Variants in ZNF155 observed in about 807,000 individuals in gnomAD.
ZNF155 encodes the protein KRAB A domain.
A neutral mutation model predicts 11.9 loss-of-function variants in ZNF155; 15 were observed. The observed-to-expected ratio is 1.26, with a 90% CI of 0.84 to 1.94. ZNF155 has a LOEUF of 1.94. Among genes scored for constraint, ZNF155 ranks in the 30% most tolerant of loss-of-function variants. The pLI, the probability that ZNF155 is intolerant of heterozygous loss-of-function variation, is 0.00. For missense variants in ZNF155, 602 were observed against 639.1 expected (o/e 0.94, Z 0.63); for synonymous variants, 212 against 219.9 (o/e 0.96, Z 0.32).
At chr19:43,987,854 G>A (rs772429729) in intron 1 of ZNF155, among the ~76,000 whole-genome samples, 3 of 152,042 alleles carry the variant, frequency 2.0e-5, no homozygotes, top group African/African-American at 7.3e-5. Context: ...TATTTTTTAC[G>A]TATCATAGCA....
chr19:43,990,874 G>A (rs113113632), intron 2 of ZNF155, among the ~76,000 whole-genome samples: 1 of 152,142 alleles, frequency 6.6e-6, no homozygotes, highest in African/African-American at 2.4e-5. Flanking sequence ...AAACGTCCTG[G>A]GGTGGGTAGA....
At chr19:43,995,619 A>G (rs1975823236) in intron 4 of ZNF155, among the ~76,000 whole-genome samples, 7 of 152,120 alleles carry the variant, frequency 4.6e-5, no homozygotes, top group Admixed American at 1.3e-4. Flanking sequence ...GCTGGACTCC[A>G]GTGATCAATC....
chr19:43,991,604 G>T lies in ZNF155; in HGVS notation c.72G>T (p.Leu24=). The T allele has an allele frequency of 6.2e-7, 1 of 1,614,166 alleles. No homozygotes were observed. ...TCTTCACTGAGGAGGAGCTGGGGCT[G>T]CTGGACCCTGCCCAGAGGAAGCTGT... ...AVVFTEEELG[L]LDPAQRKLYR... The change falls in exon 3 of 5, where the codon CTG becomes CTT. Residue 24 remains leucine (L), a synonymous_variant. Transcript: ENST00000270014.
chr19:43,990,004 T>G lies in ZNF155; in HGVS notation c.15+1446T>G. ...AATCAAATAAGTGAGAATAATAGAA[T>G]GATTTGTTCCCCAAATCAGATTACC... On this transcript the variant is annotated intron_variant, in intron 2 of 4. Transcript: ENST00000270014. The G allele has an allele frequency of 2.1e-6, 3 of 1,413,956 alleles. No individual in the cohort carries two copies. In the South Asian group the frequency reaches 4.3e-5, roughly 20 times the overall value. 87.6% of individuals were successfully genotyped at this position (1,413,956 alleles called of 1,614,324 possible).
intron 1 of ZNF155, among the ~76,000 whole-genome samples, chr19:43,987,968 C>T (rs146389749): frequency 7.0e-4 from 106 of 152,264 alleles, no homozygotes; most frequent in African/African-American, 2.4e-3. Context: ...CCTAACTGGA[C>T]TTCTTGTGCC....
rs1163917067 is a variant in ZNF155, at chr19:43,996,146, G to A, written c.289G>A (p.Glu97Lys). 2 of 1,613,724 alleles carry A rather than the reference G, an allele frequency of 1.2e-6. No homozygotes were observed. The highest frequency in any genetic ancestry group is 1.7e-5 in the Admixed American group (1 of 60,022). ...TGTTCCAGAAGCAGGAGCACATGAAGAGTGGTCCTGCCAGCAAATCTGGGA... is the reference window on the plus strand; with the variant it reads ...TGTTCCAGAAGCAGGAGCACATGAAAAGTGGTCCTGCCAGCAAATCTGGGA... ...ESVPEAGAHEEWSCQQIWEQI... is the reference protein window; with the variant it reads ...ESVPEAGAHEKWSCQQIWEQI... Residue 97 changes from glutamate to lysine, a missense_variant, in exon 5 of 5, where the codon GAG becomes AAG. Coordinates refer to ENST00000270014, the MANE Select transcript of ZNF155 (RefSeq NM_198089.3).
At position 43,997,673 on chromosome 19, in the gene ZNF155, T is replaced by C. The variant is rs1975956755; in HGVS notation, c.*199T>C. 1 of 543,820 alleles carries C rather than the reference T, an allele frequency of 1.8e-6. No homozygotes were observed. The highest frequency in any genetic ancestry group is 1.9e-5 in the African/African-American group (1 of 52,630). 33.7% of individuals were successfully genotyped at this position (543,820 alleles called of 1,614,324 possible). ...AGACCCCCAGCCAAACGGGTCAGTG[T>C]CTCATCCCCACATAACACAAAAAGC... On this transcript the variant is annotated 3_prime_UTR_variant, in exon 5 of 5. Transcript: ENST00000270014.
At chr19:43,986,254 TCTC>T (rs761509180) in intron 1 of ZNF155, among the ~76,000 whole-genome samples, 14 of 152,174 alleles carry the variant, frequency 9.2e-5, no homozygotes, top group Non-Finnish European at 1.8e-4. Flanking sequence ...AACTTCCAGT[TCTC>T]CTCCGTTTCT....
At chr19:43,994,596 C>T (rs1404611180) in intron 4 of ZNF155, among the ~76,000 whole-genome samples, 1 of 152,198 alleles carries the variant, frequency 6.6e-6, no homozygotes, top group East Asian at 1.9e-4. Flanking sequence ...ACAGGGAAAA[C>T]ATGTATATTA....
At chr19:43,987,637 C>T (rs1287563271) in intron 1 of ZNF155, among the ~76,000 whole-genome samples, 1 of 152,180 alleles carries the variant, frequency 6.6e-6, no homozygotes, top group Non-Finnish European at 1.5e-5. Flanking sequence ...GATTTGTCCA[C>T]TATCAAATTA....
rs561559442 is a variant in ZNF155, at chr19:43,991,581, T to C, written c.49T>C (p.Phe17Leu). The C allele has an allele frequency of 3.1e-6, 5 of 1,614,106 alleles. No homozygotes were observed. The highest frequency in any genetic ancestry group is 1.3e-5 in the African/African-American group (1 of 75,040). ...GACCTTCAAGGATGTGGCTGTGGTC[T>C]TCACTGAGGAGGAGCTGGGGCTGCT... ...AVTFKDVAVVFTEEELGLLDP... is the reference protein window; with the variant it reads ...AVTFKDVAVVLTEEELGLLDP... The change falls in exon 3 of 5, where the codon TTC becomes CTC. Residue 17 changes from phenylalanine (F) to leucine (L), a missense_variant. Phe to Leu is a conservative substitution (Grantham distance 22). Transcript: ENST00000270014.
chr19:43,986,272 AG>A (rs1196507529), intron 1 of ZNF155, among the ~76,000 whole-genome samples: 1 of 152,034 alleles, frequency 6.6e-6, no homozygotes, highest in African/African-American at 2.4e-5. Context: ...GTTTCTTTTT[AG>A]TCTTTCTCTG....
Position 43,988,470 on chromosome 19 carries a change from T to A in ZNF155, c.-74T>A, listed in dbSNP as rs964913733. 7.3e-6 allele frequency: 11 copies of A among 1,516,374 alleles called. No individual in the cohort carries two copies. In the Admixed American group the frequency reaches 2.0e-4, roughly 28 times the overall value. 93.9% of individuals were successfully genotyped at this position (1,516,374 alleles called of 1,614,324 possible). On this transcript the variant is annotated 5_prime_UTR_variant, in exon 2 of 5. Transcript: ENST00000270014. ...CTCTTTTTCTGCAGACTGTGGCACG[T>A]TTCAGGCAGGATTCCTCCTTCATTC...
At chr19:43,986,876 G>T (rs1250638025) in intron 1 of ZNF155, among the ~76,000 whole-genome samples, 6 of 152,092 alleles carry the variant, frequency 3.9e-5, no homozygotes, top group Non-Finnish European at 8.8e-5. Context: ...ACCCAAATTT[G>T]CCGATTGTTT....
chr19:43,990,332 G>C (rs1975614444), intron 2 of ZNF155, among the ~76,000 whole-genome samples: 1 of 152,106 alleles, frequency 6.6e-6, no homozygotes, highest in Admixed American at 6.6e-5. Flanking sequence ...CTAAAAGTAG[G>C]TCATCAGATC....
chr19:43,991,445 A>T, intron 2 of ZNF155, 103 bp from the exon 3 acceptor site: 2 of 1,574,046 alleles, frequency 1.3e-6, no homozygotes, highest in Non-Finnish European at 1.7e-6. Flanking sequence ...ATCCCTCAAT[A>T]CTGAGAACAA....
intron 4 of ZNF155, among the ~76,000 whole-genome samples, chr19:43,994,598 T>G (rs1975768673): frequency 6.6e-6 from 1 of 152,236 alleles, no homozygotes; most frequent in African/African-American, 2.4e-5. Context: ...AGGGAAAACA[T>G]GTATATTATA....
At chr19:43,993,444 T>G (rs1428722168) in intron 4 of ZNF155, among the ~76,000 whole-genome samples, 1 of 152,178 alleles carries the variant, frequency 6.6e-6, no homozygotes, top group Non-Finnish European at 1.5e-5. Flanking sequence ...AGATGCAGTT[T>G]CGCTCGTCAC....
rs377503 is a variant in ZNF155 at position 43,998,032 on chromosome 19, A to G, written c.*558A>G. ...ATCACTTCAGCTCCTGATTGGTCCC[A>G]GGCCAAGCTGAATAGCCCTTAGGAA... is the stretch of plus-strand genomic sequence containing the variant. On this transcript the variant is annotated 3_prime_UTR_variant, in exon 5 of 5. Coordinates refer to ENST00000270014, the MANE Select transcript of ZNF155 (RefSeq NM_198089.3). 21,766 of 109,958 alleles carry G rather than the reference A, an allele frequency of 0.2. 2,277 individuals are homozygous for G. The highest frequency in any genetic ancestry group is 0.59 in the East Asian group (2,684 of 4,516). 6.8% of individuals were successfully genotyped at this position (109,958 alleles called of 1,614,324 possible). A position where few individuals can be genotyped will look rare whatever the true frequency, so the allele number is the denominator to read the frequency against.
Sources: gnomAD v4.1 joint callset for allele counts (sites outside exome capture counted in the v4.1 genomes callset) on GRCh38, gnomAD v4.1.1 for gene constraint, MANE v1.5 for transcripts, NCBI Gene and HGNC (gene_info 2026-07-23, HGNC 2026-07-21) for gene names.